Variants in KLHL1 observed in about 807,000 individuals in gnomAD.
The protein encoded by KLHL1 is kelch-like protein 1.
Under a neutral mutation model 77.7 loss-of-function variants are expected in KLHL1, and 47 were observed. That is an observed-to-expected ratio of 0.60 (90% CI 0.48 to 0.77). The LOEUF (loss-of-function observed/expected upper bound fraction) is 0.77, where lower values mean the gene tolerates loss of function less well. Ranked by LOEUF, KLHL1 falls within the 30% of genes least tolerant of loss-of-function variation. KLHL1 has a pLI of 0.00. For missense variants in KLHL1, 925 were observed against 910.8 expected (o/e 1.02, Z -0.20); for synonymous variants, 360 against 325.2 (o/e 1.11, Z -1.15).
chr13:69,979,560 T>C (rs1884649280), intron 1 of KLHL1, among the ~76,000 whole-genome samples: 11 of 152,298 alleles, frequency 7.2e-5, no homozygotes, highest in Middle Eastern at 3.4e-3. Flanking sequence ...ATGTTTTCTA[T>C]AGGTATTAAG....
At chr13:69,803,616 C>T (rs1429749576) in intron 6 of KLHL1, among the ~76,000 whole-genome samples, 6 of 152,114 alleles carry the variant, frequency 3.9e-5, no homozygotes, top group Non-Finnish European at 5.9e-5. Flanking sequence ...GCCTTGATGA[C>T]GTGATCCCCT....
chr13:69,711,215 A>G (rs1350586210), intron 9 of KLHL1, among the ~76,000 whole-genome samples: 1 of 152,128 alleles, frequency 6.6e-6, no homozygotes, highest in Non-Finnish European at 1.5e-5. Context: ...TCTTTTCCCA[A>G]GTTTGTACAG....
intron 4 of KLHL1, among the ~76,000 whole-genome samples, chr13:69,919,232 T>C (rs1882550891): frequency 6.6e-6 from 1 of 152,208 alleles, no homozygotes; most frequent in African/African-American, 2.4e-5. Flanking sequence ...TTTCAAAGCA[T>C]CTGTGTTTCC....
At chr13:70,101,747 G>A (rs1042779498) in intron 1 of KLHL1, among the ~76,000 whole-genome samples, 5 of 152,130 alleles carry the variant, frequency 3.3e-5, no homozygotes, top group East Asian at 1.9e-4. Flanking sequence ...TATTTCTTAC[G>A]ATTGTTTTAG....
intron 8 of KLHL1, among the ~76,000 whole-genome samples, chr13:69,735,258 A>T (rs1283526197): frequency 1.3e-5 from 2 of 151,680 alleles, no homozygotes; most frequent in African/African-American, 4.8e-5. Flanking sequence ...ATGTATCTCA[A>T]ATAACAACTG....
At chr13:69,756,952 GAAAC>G (rs936355289) in intron 7 of KLHL1, among the ~76,000 whole-genome samples, 16 of 151,940 alleles carry the variant, frequency 1.1e-4, no homozygotes, top group Admixed American at 3.3e-4. Context: ...TAATTAAACA[GAAAC>G]AAACAAACAA....
At chr13:69,964,116 T>G (rs1438714607) in intron 2 of KLHL1, among the ~76,000 whole-genome samples, 1 of 152,120 alleles carries the variant, frequency 6.6e-6, no homozygotes, top group East Asian at 1.9e-4. Context: ...CAATCATAGC[T>G]CACTGGCACC....
chr13:69,779,758 C>G (rs892099382), intron 7 of KLHL1, among the ~76,000 whole-genome samples: 1 of 151,630 alleles, frequency 6.6e-6, no homozygotes, highest in African/African-American at 2.4e-5. Flanking sequence ...GTTATCTGCT[C>G]CAAAAACTTG....
At chr13:69,981,887 C>T (rs1029959921) in intron 1 of KLHL1, among the ~76,000 whole-genome samples, 1 of 151,492 alleles carries the variant, frequency 6.6e-6, no homozygotes, top group Non-Finnish European at 1.5e-5. Flanking sequence ...GATAGATAAA[C>T]CACATATATC....
chr13:70,000,023 T>C (rs546915097), intron 1 of KLHL1, among the ~76,000 whole-genome samples: 1 of 152,094 alleles, frequency 6.6e-6, no homozygotes, highest in Non-Finnish European at 1.5e-5. Context: ...CTGCCATCCT[T>C]ATAATAATGT....
intron 1 of KLHL1, among the ~76,000 whole-genome samples, chr13:70,036,191 T>C (rs1446845576): frequency 6.6e-6 from 1 of 151,970 alleles, no homozygotes; most frequent in Non-Finnish European, 1.5e-5. Context: ...TGTATCTAGG[T>C]GGATATAGGG....
At chr13:70,016,983 C>G (rs1282417392) in intron 1 of KLHL1, among the ~76,000 whole-genome samples, 1 of 152,164 alleles carries the variant, frequency 6.6e-6, no homozygotes, top group Non-Finnish European at 1.5e-5. Flanking sequence ...TGTGGGTCCC[C>G]TCTCCACTAA....
In KLHL1 at chr13:70,021,674, G is replaced by A. The variant is rs77097083; in HGVS notation, c.498-45872C>T. On this transcript the variant is annotated intron_variant, in intron 1 of 10. Coordinates refer to ENST00000377844, the MANE Select transcript of KLHL1 (RefSeq NM_020866.3). ...TTCTTCCACGTCCTTGCCAGCATTAGAGTTCTGGATTTGGGGCATCCTAAT... is the reference window on the plus strand; with the variant it reads ...TTCTTCCACGTCCTTGCCAGCATTAAAGTTCTGGATTTGGGGCATCCTAAT... 2.0e-5 allele frequency among the ~76,000 whole-genome samples: 3 copies of A among 152,112 alleles called. No individual in the cohort carries two copies. The East Asian group carries it at 5.8e-4, about 30-fold the overall frequency.
intron 7 of KLHL1, among the ~76,000 whole-genome samples, chr13:69,765,530 A>T (rs558305247): frequency 1.3e-5 from 2 of 152,276 alleles, no homozygotes; most frequent in South Asian, 4.1e-4. Context: ...AAAAACTCTT[A>T]TCTTTAATTC....
intron 6 of KLHL1, among the ~76,000 whole-genome samples, chr13:69,832,426 C>A (rs1010325286): frequency 6.7e-6 from 1 of 149,820 alleles, no homozygotes; most frequent in African/African-American, 2.5e-5. Context: ...TGGAAAACTA[C>A]AAAACACTGC....
chr13:69,810,949 T>C (rs1877853024), intron 6 of KLHL1, among the ~76,000 whole-genome samples: 1 of 151,324 alleles, frequency 6.6e-6, no homozygotes, highest in African/African-American at 2.4e-5. Flanking sequence ...CAGAACAGAC[T>C]AATAAGTAAG....
intron 5 of KLHL1, among the ~76,000 whole-genome samples, chr13:69,879,743 T>A (rs1368327018): frequency 6.6e-6 from 1 of 152,146 alleles, no homozygotes; most frequent in Non-Finnish European, 1.5e-5. Flanking sequence ...AATAAAAAAT[T>A]GTACTCTTTT....
chr13:69,731,138 GTAT>G (rs1873527685), intron 8 of KLHL1, among the ~76,000 whole-genome samples: 1 of 151,962 alleles, frequency 6.6e-6, no homozygotes, highest in Admixed American at 6.6e-5. Context: ...TAAAATGTGT[GTAT>G]TATTAAATAT....
intron 1 of KLHL1, among the ~76,000 whole-genome samples, chr13:70,049,714 T>C (rs1886585845): frequency 6.6e-6 from 1 of 152,154 alleles, no homozygotes; most frequent in African/African-American, 2.4e-5. Context: ...AAAGGGCATT[T>C]TGGTGGCTAT....
Sources: gnomAD v4.1 joint callset for allele counts (sites outside exome capture counted in the v4.1 genomes callset) on GRCh38, gnomAD v4.1.1 for gene constraint, MANE v1.5 for transcripts, NCBI Gene and HGNC (gene_info 2026-07-23, HGNC 2026-07-21) for gene names.